Variants in ZNF81 observed in about 807,000 individuals in gnomAD.
ZNF81 encodes the protein zinc finger protein 81.
In ZNF81, 5 loss-of-function variants were observed where a neutral mutation model predicts 32.3. The ratio of observed to expected loss-of-function variants is 0.15; its 90% confidence interval spans 0.08 to 0.33. The LOEUF is 0.33. ZNF81 is among the 10% of genes least tolerant of loss of function. The pLI is 1.00. For missense variants in ZNF81, 379 were observed against 479.8 expected, an observed-to-expected ratio of 0.79 and a Z score of 1.96; for synonymous variants, 163 against 166.8, an observed-to-expected ratio of 0.98 and a Z score of 0.17.
chrX:47,870,969 C>A (rs1395598424), intron 2 of ZNF81, among the ~76,000 whole-genome samples: 1 of 111,630 alleles, frequency 9.0e-6, no homozygotes, highest in African/African-American at 3.3e-5. Flanking sequence ...ATAGTACAGC[C>A]CCCCTTCCTT....
At chrX:47,890,671 T>G (rs1201364459) in intron 3 of ZNF81, among the ~76,000 whole-genome samples, 1 of 111,688 alleles carries the variant, frequency 9.0e-6, no homozygotes, top group Non-Finnish European at 1.9e-5. Flanking sequence ...CTTGTTCTGG[T>G]CCCCACTGAA....
intron 3 of ZNF81, among the ~76,000 whole-genome samples, chrX:47,890,465 C>T (rs1194689328): frequency 3.6e-5 from 4 of 112,252 alleles, no homozygotes; most frequent in Non-Finnish European, 7.5e-5. Flanking sequence ...TAGTTATCCA[C>T]TACTACAGGA....
rs782745323 is a variant in ZNF81 at position 47,837,749 on chromosome X, C to A, written c.-164+762C>A. Reference sequence around the variant, plus strand: ...CTATCCCTCTGCCAGTACTACCTTGCTGTCTTGAATTGGATAGAGTGATTC... The same window carrying A: ...CTATCCCTCTGCCAGTACTACCTTGATGTCTTGAATTGGATAGAGTGATTC... On this transcript the variant is annotated intron_variant, in intron 1 of 4. Coordinates refer to ENST00000338637, the MANE Select transcript of ZNF81 (RefSeq NM_007137.5). Among the ~76,000 whole-genome samples, 8 of 112,458 alleles carry A rather than the reference C, an allele frequency of 7.1e-5. No homozygotes were observed. The East Asian group carries it at 2.2e-3, about 31-fold the overall frequency.
intron 4 of ZNF81, 55 bp downstream of exon 4, chrX:47,895,995 A>G (rs2058678693): frequency 1.1e-6 from 1 of 911,145 alleles, no homozygotes; most frequent in Non-Finnish European, 1.6e-6. Context: ...TTTTTTCCCT[A>G]AGGAAGACCG....
rs1425650165 is a variant in ZNF81, at chrX:47,917,853, G to A, written c.*1221G>A. 1 of 111,401 alleles carries A rather than the reference G, an allele frequency of 9.0e-6. No individual in the cohort carries two copies. Among genetic ancestry groups the A allele is most frequent in the Non-Finnish European group, 1.9e-5 (1 of 53,142 alleles). 9.2% of individuals were successfully genotyped at this position (111,401 alleles called of 1,213,427 possible). On this transcript the variant is annotated 3_prime_UTR_variant, in exon 5 of 5. Coordinates refer to ENST00000338637, the MANE Select transcript of ZNF81 (RefSeq NM_007137.5). ...TTGAAAGTATATGTTTGGGGGAGGG[G>A]GCATAGTGGACCAAAACGTGACAAG... is the stretch of plus-strand genomic sequence containing the variant.
intron 2 of ZNF81, among the ~76,000 whole-genome samples, chrX:47,847,113 G>A (rs1419782104): frequency 1.8e-5 from 2 of 112,230 alleles, no homozygotes; most frequent in Non-Finnish European, 3.8e-5. Flanking sequence ...TAATCACAGT[G>A]ATAATAATTA....
At chrX:47,905,502 T>G (rs1309776318) in intron 4 of ZNF81, among the ~76,000 whole-genome samples, 2 of 108,317 alleles carry the variant, frequency 1.8e-5, no homozygotes, top group East Asian at 5.7e-4. Context: ...ACCAGAAAAT[T>G]AAAAAGATTA....
chrX:47,880,205 A>C (rs1556884983), intron 2 of ZNF81, among the ~76,000 whole-genome samples: 2 of 111,912 alleles, frequency 1.8e-5, no homozygotes, highest in African/African-American at 6.5e-5. Flanking sequence ...TAGTTTCAGC[A>C]GCCATTGATG....
intron 1 of ZNF81, among the ~76,000 whole-genome samples, chrX:47,845,426 T>C (rs1341190525): frequency 8.9e-6 from 1 of 112,353 alleles, no homozygotes; most frequent in Non-Finnish European, 1.9e-5. Context: ...GCTATTAATA[T>C]TTTTCTTATA....
At chrX:47,901,199 A>T (rs2058697268) in intron 4 of ZNF81, among the ~76,000 whole-genome samples, 1 of 111,903 alleles carries the variant, frequency 8.9e-6, no homozygotes, top group South Asian at 3.7e-4. Flanking sequence ...ACTTCTCCAT[A>T]CTGGAAGTAG....
intron 1 of ZNF81, among the ~76,000 whole-genome samples, chrX:47,837,870 C>G (rs985791255): frequency 8.9e-6 from 1 of 112,226 alleles, no homozygotes; most frequent in African/African-American, 3.2e-5. Context: ...ATCTACAAAG[C>G]ATCTTGCTTG....
intron 4 of ZNF81, among the ~76,000 whole-genome samples, chrX:47,900,814 G>T (rs1331141801): frequency 9.0e-6 from 1 of 111,506 alleles, no homozygotes; most frequent in Admixed American, 9.6e-5. Flanking sequence ...AAGTTGAGGG[G>T]TCAGCCAGAG....
chrX:47,846,123 G>A lies in ZNF81; in HGVS notation c.-145G>A, dbSNP rs781866233. On this transcript the variant is annotated 5_prime_UTR_variant, in exon 2 of 5. Transcript: ENST00000338637. Reference sequence around the variant, plus strand: ...TTTCCAGAGTTCTTGGAGTCTCTGCGGAGTCCCTGGGCCAGATCTCACAGT... The same window carrying A: ...TTTCCAGAGTTCTTGGAGTCTCTGCAGAGTCCCTGGGCCAGATCTCACAGT... The A allele has an allele frequency of 2.3e-4, 150 of 647,962 alleles. No homozygotes were observed. Among genetic ancestry groups the A allele is most frequent in the Non-Finnish European group, 3.4e-4 (137 of 408,499 alleles). The allele number at this position is 647,962 out of a possible 1,213,427, so 53.4% of individuals were successfully genotyped here. A position where few individuals can be genotyped will look rare whatever the true frequency, so the allele number is the denominator to read the frequency against.
At chrX:47,877,383 A>ACAG (rs1440116129) in intron 2 of ZNF81, among the ~76,000 whole-genome samples, 1 of 111,603 alleles carries the variant, frequency 9.0e-6, no homozygotes, top group Non-Finnish European at 1.9e-5. Context: ...TTTATTAAAA[A>ACAG]CAGCTGATTT....
intron 2 of ZNF81, among the ~76,000 whole-genome samples, chrX:47,849,608 G>A (rs1556880901): frequency 9.1e-6 from 1 of 109,500 alleles, no homozygotes; most frequent in African/African-American, 3.3e-5. Flanking sequence ...GGAGGCGGAG[G>A]TTGCAGTGAG....
intron 2 of ZNF81, among the ~76,000 whole-genome samples, chrX:47,848,475 G>A (rs1194858349): frequency 9.0e-6 from 1 of 110,825 alleles, no homozygotes; most frequent in African/African-American, 3.3e-5. Flanking sequence ...CTTTTAAGTA[G>A]CTCTTTTTGT....
intron 2 of ZNF81, among the ~76,000 whole-genome samples, chrX:47,866,425 G>A (rs1221400457): frequency 2.7e-5 from 3 of 112,161 alleles, no homozygotes; most frequent in African/African-American, 9.7e-5. Context: ...AAATTGCAAA[G>A]ACAGAAGGAA....
intron 4 of ZNF81, among the ~76,000 whole-genome samples, chrX:47,912,574 A>G (rs1465778014): frequency 2.8e-5 from 3 of 108,100 alleles, no homozygotes; most frequent in Non-Finnish European, 5.7e-5. Context: ...AGTGACTAAA[A>G]TAGTAAGGAA....
chrX:47,922,065 C>T lies in ZNF81; in HGVS notation c.*5433C>T, dbSNP rs950887467. 27 of 112,204 alleles carry T rather than the reference C, an allele frequency of 2.4e-4. No individual in the cohort carries two copies. The highest frequency in any genetic ancestry group is 3.9e-4 in the African/African-American group (12 of 30,837). The allele number at this position is 112,204 out of a possible 1,213,427, so 9.2% of individuals were successfully genotyped here. ...CAACTACCAGAATAATGGATTAAAACGTTAACTGTTTTAAGTCACTAAGTT... is the reference window on the plus strand; with the variant it reads ...CAACTACCAGAATAATGGATTAAAATGTTAACTGTTTTAAGTCACTAAGTT... On this transcript the variant is annotated 3_prime_UTR_variant, in exon 5 of 5. Transcript: ENST00000338637.
Sources: allele counts gnomAD v4.1 joint callset (sites outside exome capture counted in the v4.1 genomes callset), GRCh38; gene constraint gnomAD v4.1.1; transcripts MANE v1.5; gene names NCBI Gene and HGNC (gene_info 2026-07-23, HGNC 2026-07-21).